ZNF280D: variants seen among roughly 807,000 people sequenced by gnomAD.
ZNF280D encodes zinc finger protein 280D.
A neutral mutation model predicts 94.7 loss-of-function variants in ZNF280D; 39 were observed. The ratio of observed to expected loss-of-function variants is 0.41; its 90% confidence interval spans 0.32 to 0.54. ZNF280D has a LOEUF of 0.54. Ranked by LOEUF, ZNF280D falls within the 20% of genes least tolerant of loss-of-function variation. The pLI, the probability that ZNF280D is intolerant of heterozygous loss-of-function variation, is 0.22. For synonymous variants in ZNF280D, 398 were observed against 377.6 expected (o/e 1.05, Z -0.63); for missense variants, 1,090 against 1,149.3 (o/e 0.95, Z 0.75).
intron 7 of ZNF280D, among the ~76,000 whole-genome samples, chr15:56,692,343 TTTGC>T: frequency 6.6e-6 from 1 of 151,952 alleles, no homozygotes; most frequent in Non-Finnish European, 1.5e-5. Flanking sequence ...TCCGCACTGA[TTTGC>T]TAGTAAATCT....
At chr15:56,646,205 CTTGAGACCAGGAGT>C (rs2052882610) in intron 19 of ZNF280D, among the ~76,000 whole-genome samples, 1 of 152,158 alleles carries the variant, frequency 6.6e-6, no homozygotes, top group African/African-American at 2.4e-5. Context: ...GGGAGGATAG[CTTGAGACCAGGAGT>C]TTGAGACCAG....
chr15:56,649,395 A>T (rs1286279246), intron 19 of ZNF280D, among the ~76,000 whole-genome samples: 3 of 152,172 alleles, frequency 2.0e-5, no homozygotes, highest in Admixed American at 1.3e-4. Context: ...CAAAGGCAGA[A>T]GTCCAAATTG....
intron 6 of ZNF280D, among the ~76,000 whole-genome samples, chr15:56,695,217 C>G (rs995210985): frequency 6.6e-6 from 1 of 151,694 alleles, no homozygotes; most frequent in African/African-American, 2.4e-5. Context: ...GGACTACAGG[C>G]TCATGCCACC....
At chr15:56,700,859 C>G in intron 6 of ZNF280D, 74 bp downstream of exon 6, 2 of 1,611,498 alleles carry the variant, frequency 1.2e-6, no homozygotes, top group Non-Finnish European at 1.7e-6. Flanking sequence ...AGAATTGTAA[C>G]TGGGTACTGT....
In ZNF280D at chr15:56,657,881, G is replaced by A. The variant is rs571745687; in HGVS notation, c.2057+543C>T. Among the ~76,000 whole-genome samples the A allele has an allele frequency of 2.6e-5, 4 of 152,134 alleles. No homozygotes were observed. The East Asian group carries it at 5.8e-4, about 22-fold the overall frequency. On this transcript the variant is annotated intron_variant, in intron 17 of 21. Coordinates refer to ENST00000267807, the MANE Select transcript of ZNF280D (RefSeq NM_017661.4). The stretch of plus-strand genomic sequence containing the variant: ...ATTCCAATCATAAGTATATACTAAA[G>A]AGAAATAAAAATACATGTCCATACA...
Position 56,704,538 on chromosome 15 carries a change from G to C in ZNF280D, c.29-271C>G, listed in dbSNP as rs528519124. Reference sequence around the variant, plus strand: ...TTTGGAAGTCAAATTCAGTGAAAGTGAGTTTTAGTCGTATACATAGAATAT... The same window carrying C: ...TTTGGAAGTCAAATTCAGTGAAAGTCAGTTTTAGTCGTATACATAGAATAT... On this transcript the variant is annotated intron_variant, in intron 3 of 21. Coordinates refer to ENST00000267807, the MANE Select transcript of ZNF280D (RefSeq NM_017661.4). Among the ~76,000 whole-genome samples the C allele has an allele frequency of 1.8e-4, 28 of 152,282 alleles. No homozygotes were observed. In the South Asian group the frequency reaches 5.6e-3, roughly 30 times the overall value.
intron 20 of ZNF280D, among the ~76,000 whole-genome samples, chr15:56,641,963 T>C (rs1035619275): frequency 6.6e-6 from 1 of 151,636 alleles, no homozygotes. Flanking sequence ...AATTAAAATA[T>C]ATAATAAGAA....
chr15:56,710,264 C>T (rs1159400181), intron 1 of ZNF280D, among the ~76,000 whole-genome samples: 5 of 152,060 alleles, frequency 3.3e-5, no homozygotes, highest in South Asian at 2.1e-4. Flanking sequence ...ATTAGCTGGG[C>T]GTGGTGGCAC....
chr15:56,692,562 A>G (rs1276300307), intron 7 of ZNF280D, among the ~76,000 whole-genome samples: 1 of 152,136 alleles, frequency 6.6e-6, no homozygotes, highest in Non-Finnish European at 1.5e-5. Context: ...CTCAACAGGG[A>G]AAGTTCACTA....
chr15:56,631,909 T>C lies in ZNF280D; in HGVS notation c.2529A>G (p.Gln843=), dbSNP rs1399904253. The change falls in exon 22 of 22, where the codon CAA becomes CAG. Residue 843 remains glutamine (Q), a synonymous_variant. Coordinates refer to ENST00000267807, the MANE Select transcript of ZNF280D (RefSeq NM_017661.4). Reference sequence around the variant, plus strand: ...TCAACTCCATTTCCTGACAAACGTGTTGTATTTGTTTTTTCTTTTCCACTT... The same window carrying C: ...TCAACTCCATTTCCTGACAAACGTGCTGTATTTGTTTTTTCTTTTCCACTT... ...ADKVEKKKQI[Q]HVCQEMELKM... The C allele has an allele frequency of 1.9e-6, 3 of 1,613,796 alleles. No individual in the cohort carries two copies. In the Admixed American group the frequency reaches 5.0e-5, roughly 27 times the overall value.
Position 56,642,953 on chromosome 15 carries a change from T to C in ZNF280D, c.2258A>G (p.Lys753Arg). 6.6e-7 allele frequency: 1 copy of C among 1,503,982 alleles called. No homozygotes were observed. 93.2% of individuals were successfully genotyped at this position (1,503,982 alleles called of 1,614,324 possible). Residue 753 changes from lysine (K) to arginine (R), a missense_variant and splice_region_variant, in exon 20 of 22, where the codon AAG becomes AGG. Coordinates refer to ENST00000267807, the MANE Select transcript of ZNF280D (RefSeq NM_017661.4). ...GGTATAAAGTAAAACAAACTTTACC[T>C]TAGACACAGGTTCTTGTTCCTTTGC... ...APAKEQEPVS[K>R]EIARPNMAER...
At chr15:56,638,765 T>C (rs1422096941) in intron 20 of ZNF280D, among the ~76,000 whole-genome samples, 2 of 152,180 alleles carry the variant, frequency 1.3e-5, no homozygotes, top group African/African-American at 2.4e-5. Flanking sequence ...ATTTCTAATA[T>C]GGTAAACATT....
Position 56,666,550 on chromosome 15 carries a change from A to T in ZNF280D, c.1854-15T>A. 1 of 1,564,808 alleles carries T rather than the reference A, an allele frequency of 6.4e-7. No individual in the cohort carries two copies. Among genetic ancestry groups the T allele is most frequent in the Non-Finnish European group, 8.6e-7 (1 of 1,165,346 alleles). ...CCCGACGATACCTTAGGGAGACATT[A>T]AAAAAATGATAAAAATATATTTTAA... On this transcript the variant is annotated splice_polypyrimidine_tract_variant and intron_variant, in intron 15 of 21. Transcript: ENST00000267807.
chr15:56,651,438 T>TTA (rs1189987478), intron 19 of ZNF280D, among the ~76,000 whole-genome samples: 3 of 152,218 alleles, frequency 2.0e-5, no homozygotes, highest in Non-Finnish European at 4.4e-5. Context: ...ATAAGCAAAC[T>TTA]TTGTACTGAC....
chr15:56,731,776 G>A (rs1264885481), intron 1 of ZNF280D, among the ~76,000 whole-genome samples: 1 of 152,074 alleles, frequency 6.6e-6, no homozygotes, highest in Non-Finnish European at 1.5e-5. Context: ...TGCAAATATG[G>A]CAAAAAGGTA....
At chr15:56,632,903 C>A (rs577028024) in intron 21 of ZNF280D, among the ~76,000 whole-genome samples, 7 of 151,698 alleles carry the variant, frequency 4.6e-5, no homozygotes, top group Non-Finnish European at 8.8e-5. Context: ...AAAAAAAACA[C>A]ATGCCTGAAA....
intron 17 of ZNF280D, chr15:56,654,879 T>C (rs1392960365): frequency 2.2e-6 from 1 of 455,842 alleles, no homozygotes; most frequent in East Asian, 6.9e-5. Context: ...TCACTTGATA[T>C]TTACTGGAGC....
rs1158538330 is a variant in ZNF280D, at chr15:56,631,659, G to A, written c.2779C>T (p.Leu927Phe). Residue 927 changes from leucine to phenylalanine, a missense_variant, in exon 22 of 22, where the codon CTT becomes TTT. Transcript: ENST00000267807. ...HLEPLTPSEV[L>F]EYEATEILQK... ...AGAATCTCTGTGGCTTCATACTCAA[G>A]TACCTCGGATGGAGTCAGAGGTTCC... The A allele has an allele frequency of 1.9e-6, 3 of 1,614,004 alleles. No homozygotes were observed. Among genetic ancestry groups the A allele is most frequent in the African/African-American group, 2.7e-5 (2 of 74,920 alleles).
At chr15:56,648,820 T>A (rs1359756930) in intron 19 of ZNF280D, among the ~76,000 whole-genome samples, 2 of 152,194 alleles carry the variant, frequency 1.3e-5, no homozygotes, top group East Asian at 1.9e-4. Context: ...TTGCTCAGAA[T>A]CTGCTTGAGA....
Sources: gnomAD v4.1 joint callset for allele counts (sites outside exome capture counted in the v4.1 genomes callset) on GRCh38, gnomAD v4.1.1 for gene constraint, MANE v1.5 for transcripts, NCBI Gene and HGNC (gene_info 2026-07-23, HGNC 2026-07-21) for gene names.